The following PDE7A variants were observed in gnomAD, a reference collection of about 807,000 sequenced individuals.
The protein encoded by PDE7A is phosphodiesterase 7A, also known as high affinity 3',5'-cyclic-AMP phosphodiesterase 7A.
In PDE7A, 39 loss-of-function variants were observed where a neutral mutation model predicts 64.3. That is an observed-to-expected ratio of 0.61 (90% CI 0.47 to 0.79). PDE7A has a LOEUF of 0.79. Among genes scored for constraint, PDE7A ranks in the 30% least tolerant of loss-of-function variants. The probability of loss-of-function intolerance (pLI) is 0.00; values close to 1 mark genes in which losing one functional copy is unlikely to be tolerated. For missense variants in PDE7A, 470 were observed against 582.8 expected, an observed-to-expected ratio of 0.81 and a Z score of 1.99; for synonymous variants, 203 against 206.8, an observed-to-expected ratio of 0.98 and a Z score of 0.16.
At chr8:65,789,852 G>A (rs975757463) in intron 1 of PDE7A, among the ~76,000 whole-genome samples, 1 of 152,214 alleles carries the variant, frequency 6.6e-6, no homozygotes, top group Admixed American at 6.5e-5. Context: ...AGGGATATAA[G>A]CATCAAGTAA....
rs762985722 is a variant in PDE7A, at chr8:65,747,727, A to T, written c.360T>A (p.Ser120=). ...CCGCAGTACCACGAAAAAAGCGTGA[A>T]GATCTAAGATATCGCTGGAAACTTA... ...RLLSFQRYLR[S]SRFFRGTAVS... Residue 120 remains serine, a synonymous_variant, in exon 4 of 13, where the codon TCT becomes TCA. Transcript: ENST00000401827. 1.9e-6 allele frequency: 3 copies of T among 1,610,656 alleles called. No individual in the cohort carries two copies. The highest frequency in any genetic ancestry group is 1.7e-6 in the Non-Finnish European group (2 of 1,177,104).
In PDE7A at chr8:65,779,659, GT is replaced by G. The variant is rs557435566; in HGVS notation, c.283+60del. 924 of 875,836 alleles carry G rather than the reference GT, an allele frequency of 1.1e-3. 1 individual carries two copies. Among genetic ancestry groups the G allele is most frequent in the Non-Finnish European group, 1.6e-3 (854 of 545,454 alleles). 54.3% of individuals were successfully genotyped at this position (875,836 alleles called of 1,614,324 possible). A position where few individuals can be genotyped will look rare whatever the true frequency, so the allele number is the denominator to read the frequency against. On this transcript the variant is annotated intron_variant, in intron 3 of 12. Transcript: ENST00000401827. ...GGTATTCTTTTTCCCTTGGAAAACT[GT>G]GTAATTTTATTAAAATTTGTAGTGA...
intron 7 of PDE7A, among the ~76,000 whole-genome samples, chr8:65,730,921 T>C (rs1169095951): frequency 6.6e-6 from 1 of 152,090 alleles, no homozygotes; most frequent in African/African-American, 2.4e-5. Context: ...AGACTCCATC[T>C]GAAAAACAAA....
chr8:65,821,706 GAATC>G (rs1352787035), intron 1 of PDE7A, among the ~76,000 whole-genome samples: 2 of 152,144 alleles, frequency 1.3e-5, no homozygotes, highest in Non-Finnish European at 2.9e-5. Flanking sequence ...GTGATAGTCA[GAATC>G]AACATGTGCT....
At chr8:65,817,602 T>C (rs950140522) in intron 1 of PDE7A, among the ~76,000 whole-genome samples, 4 of 152,208 alleles carry the variant, frequency 2.6e-5, no homozygotes, top group African/African-American at 9.6e-5. Flanking sequence ...CTTGACAGGT[T>C]TGATGAGTAC....
chr8:65,724,003 A>G (rs1031548229), intron 11 of PDE7A, among the ~76,000 whole-genome samples: 6 of 152,334 alleles, frequency 3.9e-5, no homozygotes, highest in African/African-American at 1.4e-4. Context: ...CTTTCTGTAC[A>G]GCAAAATTCC....
intron 3 of PDE7A, among the ~76,000 whole-genome samples, chr8:65,755,103 G>A (rs1004639582): frequency 2.1e-5 from 3 of 143,998 alleles, no homozygotes; most frequent in Non-Finnish European, 3.0e-5. Flanking sequence ...TCACTGTAAC[G>A]TCTGCCTCCC....
intron 1 of PDE7A, among the ~76,000 whole-genome samples, chr8:65,821,730 C>T (rs537178829): frequency 6.6e-6 from 1 of 152,264 alleles, no homozygotes; most frequent in East Asian, 1.9e-4. Flanking sequence ...TACCAGTAGA[C>T]AATACACACT....
At chr8:65,731,086 TAGAC>T (rs1806867830) in intron 7 of PDE7A, among the ~76,000 whole-genome samples, 1 of 152,202 alleles carries the variant, frequency 6.6e-6, no homozygotes, top group Admixed American at 6.5e-5. Flanking sequence ...TATTAGGGAA[TAGAC>T]AGACAAAAAT....
At chr8:65,794,328 C>G (rs1352733694) in intron 1 of PDE7A, among the ~76,000 whole-genome samples, 1 of 151,866 alleles carries the variant, frequency 6.6e-6, no homozygotes, top group Non-Finnish European at 1.5e-5. Flanking sequence ...CCCACAAGAC[C>G]AAGCCACATG....
intron 1 of PDE7A, among the ~76,000 whole-genome samples, chr8:65,823,907 A>C (rs1459879123): frequency 6.6e-6 from 1 of 152,198 alleles, no homozygotes; most frequent in African/African-American, 2.4e-5. Context: ...AGGCAAAAAA[A>C]GGGAAAGTTT....
At chr8:65,725,312 T>C (rs1366726076) in intron 9 of PDE7A, 1 of 157,248 alleles carries the variant, frequency 6.4e-6, no homozygotes, top group Admixed American at 6.5e-5. Flanking sequence ...GGTTTGCTTT[T>C]TAGTGCCTGA....
intron 3 of PDE7A, among the ~76,000 whole-genome samples, chr8:65,750,248 G>A (rs994023018): frequency 1.3e-5 from 2 of 152,108 alleles, no homozygotes; most frequent in Admixed American, 6.5e-5. Context: ...CATTAGAGCC[G>A]ACACACTTAG....
At chr8:65,789,163 G>T in intron 1 of PDE7A, 1 of 829,822 alleles carries the variant, frequency 1.2e-6, no homozygotes, top group Non-Finnish European at 1.7e-6. Context: ...TGCCACAACC[G>T]CAGGGTTGGG....
chr8:65,792,752 G>T (rs1159451263), intron 1 of PDE7A, among the ~76,000 whole-genome samples: 7 of 151,948 alleles, frequency 4.6e-5, no homozygotes, highest in Non-Finnish European at 1.0e-4. Context: ...TCAGAGTAAG[G>T]TTTTGGTTTA....
chr8:65,815,065 A>G (rs1185126548), intron 1 of PDE7A, among the ~76,000 whole-genome samples: 2 of 150,848 alleles, frequency 1.3e-5, no homozygotes, highest in Non-Finnish European at 2.9e-5. Flanking sequence ...TGTGTGACAG[A>G]GTGAGACTCC....
At chr8:65,775,660 C>T (rs1028802829) in intron 3 of PDE7A, among the ~76,000 whole-genome samples, 1 of 152,234 alleles carries the variant, frequency 6.6e-6, no homozygotes, top group African/African-American at 2.4e-5. Flanking sequence ...CGAAGTCTCG[C>T]TCTGTAGCCA....
chr8:65,730,467 AC>A (rs2128895230), intron 7 of PDE7A, among the ~76,000 whole-genome samples: 2 of 152,046 alleles, frequency 1.3e-5, no homozygotes, highest in South Asian at 4.2e-4. Context: ...GGTGTGAGCC[AC>A]CAAGCCCAGC....
At chr8:65,775,335 T>C (rs1455580176) in intron 3 of PDE7A, among the ~76,000 whole-genome samples, 1 of 152,236 alleles carries the variant, frequency 6.6e-6, no homozygotes, top group Non-Finnish European at 1.5e-5. Flanking sequence ...TGATATTATT[T>C]TTCTAATTTC....
Sources: gnomAD v4.1 joint callset for allele counts (sites outside exome capture counted in the v4.1 genomes callset) on GRCh38, gnomAD v4.1.1 for gene constraint, MANE v1.5 for transcripts, NCBI Gene and HGNC (gene_info 2026-07-23, HGNC 2026-07-21) for gene names.